TCF20: variants seen among roughly 807,000 people sequenced by gnomAD.
TCF20 encodes the protein transcription factor 20, also known as SPRE-binding protein.
A neutral mutation model predicts 148.6 loss-of-function variants in TCF20; 3 were observed. The observed-to-expected ratio is 0.02, with a 90% CI of 0.01 to 0.05. TCF20 has a LOEUF of 0.05. TCF20 is among the 10% of genes least tolerant of loss of function. TCF20 has a pLI of 1.00. For missense variants in TCF20, 2,350 were observed against 2,429.3 expected (o/e 0.97, Z 0.69); for synonymous variants, 1,049 against 909.5 (o/e 1.15, Z -2.76).
In TCF20 at chr22:42,323,926, A is replaced by ATCG. The variant is rs1555959632; in HGVS notation, c.-37+19552_-37+19553insCGA. 4.9e-3 allele frequency among the ~76,000 whole-genome samples: 47 copies of ATCG among 9,608 alleles called. 3 individuals are homozygous for ATCG. The highest frequency in any genetic ancestry group is 0.013 in the African/African-American group (47 of 3,546). 6.3% of individuals were successfully genotyped at this position (9,608 alleles called of 152,430 possible). ...GGAGGTGGTGGTGGTGATGGAGGTT[A>ATCG]TGGTGGTGGTGGTGGTGATGGAGGT... On this transcript the variant is annotated intron_variant, in intron 1 of 1. Transcript: ENST00000515426.
At chr22:42,296,671 C>T (rs993452502) in intron 1 of TCF20, among the ~76,000 whole-genome samples, 2 of 152,218 alleles carry the variant, frequency 1.3e-5, no homozygotes, top group Non-Finnish European at 2.9e-5. Flanking sequence ...GAGACCCCCA[C>T]CCCCAAACAG....
At chr22:42,241,412 T>G (rs1420817278) in intron 1 of TCF20, among the ~76,000 whole-genome samples, 1 of 152,054 alleles carries the variant, frequency 6.6e-6, no homozygotes, top group Non-Finnish European at 1.5e-5. Context: ...AAAAGCGAAG[T>G]TTGAAAAATT....
intron 1 of TCF20, among the ~76,000 whole-genome samples, chr22:42,219,598 G>A (rs778173479): frequency 2.0e-5 from 3 of 151,970 alleles, no homozygotes; most frequent in Non-Finnish European, 4.4e-5. Context: ...GCTCACCCCT[G>A]TAATCCCTGA....
At chr22:42,244,251 A>T (rs1291696625) in intron 1 of TCF20, among the ~76,000 whole-genome samples, 1 of 152,244 alleles carries the variant, frequency 6.6e-6, no homozygotes, top group African/African-American at 2.4e-5. Context: ...AGTTGAATAC[A>T]GAATTACACG....
intron 1 of TCF20, among the ~76,000 whole-genome samples, chr22:42,233,553 C>T (rs892499353): frequency 4.6e-5 from 7 of 152,220 alleles, no homozygotes; most frequent in African/African-American, 1.7e-4. Context: ...CCCTTAACAC[C>T]TTCCTAGAAC....
chr22:42,216,337 C>T (rs1446444723), intron 1 of TCF20, among the ~76,000 whole-genome samples: 1 of 152,120 alleles, frequency 6.6e-6, no homozygotes, highest in African/African-American at 2.4e-5. Flanking sequence ...CACTGAGAAA[C>T]AGACCTGGCC....
At chr22:42,289,669 AGAGAGGCGT>A (rs1397191303) in intron 1 of TCF20, among the ~76,000 whole-genome samples, 2 of 152,194 alleles carry the variant, frequency 1.3e-5, no homozygotes, top group African/African-American at 4.8e-5. Flanking sequence ...GAAAGGCCTG[AGAGAGGCGT>A]CAGATGGGCT....
intron 1 of TCF20, among the ~76,000 whole-genome samples, chr22:42,221,025 C>G (rs557791242): frequency 5.4e-4 from 83 of 152,346 alleles, no homozygotes; most frequent in African/African-American, 1.8e-3. Flanking sequence ...GTCAACTCAG[C>G]ATCGTGACCA....
In TCF20 at chr22:42,213,542, G is replaced by C; in HGVS notation, c.1764C>G (p.Asp588Glu). ...GGTTCCCGTCGGATGACAATGGCAT[G>C]TCCTTAGCGCCTGGTGAGGTGGCCT... is the stretch of plus-strand genomic sequence containing the variant. ...REEATSPGAK[D>E]MPLSSDGNPK... The change falls in exon 2 of 6, where the codon GAC becomes GAG. Residue 588 changes from aspartate (D) to glutamate (E), a missense_variant. Transcript: ENST00000677622. 2 of 1,614,180 alleles carry C rather than the reference G, an allele frequency of 1.2e-6. No individual in the cohort carries two copies. The highest frequency in any genetic ancestry group is 1.7e-6 in the Non-Finnish European group (2 of 1,180,026).
intron 1 of TCF20, among the ~76,000 whole-genome samples, chr22:42,306,120 G>A (rs934209025): frequency 1.3e-5 from 2 of 152,256 alleles, no homozygotes; most frequent in African/African-American, 2.4e-5. Flanking sequence ...TGGCTGCTGC[G>A]GCCTCGCCAC....
intron 2 of TCF20, among the ~76,000 whole-genome samples, chr22:42,208,570 TCCAGCC>T (rs1165865234): frequency 2.6e-5 from 4 of 152,052 alleles, no homozygotes; most frequent in African/African-American, 7.3e-5. Context: ...ACCACTGCAT[TCCAGCC>T]TGAGTGACAA....
At chr22:42,222,360 C>A (rs1336578074) in intron 1 of TCF20, among the ~76,000 whole-genome samples, 1 of 152,176 alleles carries the variant, frequency 6.6e-6, no homozygotes, top group African/African-American at 2.4e-5. Flanking sequence ...TACTCTCCTT[C>A]CTGTATTTGT....
rs1474294627 is a variant in TCF20, at chr22:42,290,327, C to G, written c.-37+53152G>C. Among the ~76,000 whole-genome samples the G allele has an allele frequency of 6.6e-6, 1 of 152,252 alleles. No individual in the cohort carries two copies. Among genetic ancestry groups the G allele is most frequent in the East Asian group, 1.9e-4 (1 of 5,202 alleles). Reference sequence around the variant, plus strand: ...CACAGGCCGTCTGATGTCCTCTCAACACAGCAGAGCTCCGAGGAACTGGCA... The same window carrying G: ...CACAGGCCGTCTGATGTCCTCTCAAGACAGCAGAGCTCCGAGGAACTGGCA... On this transcript the variant is annotated intron_variant, in intron 1 of 1. Transcript: ENST00000515426. This position sits in a 1 kb window ranked among gnomAD's most constrained non-coding sequence, Gnocchi z 4.2.
chr22:42,244,347 A>G (rs750460898), intron 1 of TCF20, among the ~76,000 whole-genome samples: 1 of 152,266 alleles, frequency 6.6e-6, no homozygotes, highest in East Asian at 1.9e-4. Flanking sequence ...TGTTCATAGC[A>G]GCACTATTCA....
intron 1 of TCF20, among the ~76,000 whole-genome samples, chr22:42,295,530 G>A (rs1279587914): frequency 6.1e-5 from 9 of 147,514 alleles, no homozygotes; most frequent in Admixed American, 2.8e-4. Context: ...TGCAACCTCC[G>A]CCTCCCAGGT....
chr22:42,188,268 G>T (rs1937142896), intron 2 of TCF20, among the ~76,000 whole-genome samples: 1 of 111,240 alleles, frequency 9.0e-6, no homozygotes, highest in Non-Finnish European at 1.8e-5. Flanking sequence ...ACTCCAGCCT[G>T]GGCAACAAGA....
chr22:42,185,430 C>T (rs1295276583), intron 2 of TCF20, among the ~76,000 whole-genome samples: 2 of 152,202 alleles, frequency 1.3e-5, no homozygotes, highest in Non-Finnish European at 2.9e-5. Flanking sequence ...CTGAAGACAA[C>T]TAATGAGGAT....
At position 42,290,298 on chromosome 22, in the gene TCF20, C is replaced by G. The variant is rs1176728417; in HGVS notation, c.-37+53181G>C. ...AGGCTCGGGGCCCCTGAGAAGCGGC[C>G]CAGCACAGGCCGTCTGATGTCCTCT... On this transcript the variant is annotated intron_variant, in intron 1 of 1. Transcript: ENST00000515426. The surrounding 1 kb of genome is among the most constrained non-coding windows in gnomAD (Gnocchi z 4.2). Among the ~76,000 whole-genome samples, 1 of 152,204 alleles carries G rather than the reference C, an allele frequency of 6.6e-6. No individual in the cohort carries two copies. Among genetic ancestry groups the G allele is most frequent in the East Asian group, 1.9e-4 (1 of 5,198 alleles).
intron 1 of TCF20, among the ~76,000 whole-genome samples, chr22:42,247,650 A>G (rs927464414): frequency 6.6e-6 from 1 of 152,120 alleles, no homozygotes; most frequent in Non-Finnish European, 1.5e-5. Context: ...ACACAAATGA[A>G]AAGGATACGA....
Sources: allele counts gnomAD v4.1 joint callset (sites outside exome capture counted in the v4.1 genomes callset), GRCh38; gene constraint gnomAD v4.1.1; non-coding constraint Gnocchi (gnomAD v3.1); transcripts MANE v1.5; gene names NCBI Gene and HGNC (gene_info 2026-07-23, HGNC 2026-07-21).